Variants in AHRR observed in about 807,000 individuals in gnomAD.
The protein encoded by AHRR is ahR repressor.
A neutral mutation model predicts 44.0 loss-of-function variants in AHRR; 28 were observed. That is an observed-to-expected ratio of 0.64 (90% CI 0.47 to 0.87). AHRR has a LOEUF of 0.87. Among genes scored for constraint, AHRR ranks in the 40% least tolerant of loss-of-function variants. The probability of loss-of-function intolerance (pLI) is 0.00; values close to 1 mark genes in which losing one functional copy is unlikely to be tolerated. For synonymous variants in AHRR, 434 were observed against 407.0 expected (o/e 1.07, Z -0.80); for missense variants, 990 against 953.9 (o/e 1.04, Z -0.50).
chr5:434,781 G>T lies in AHRR; in HGVS notation c.2041G>T (p.Ala681Ser). The T allele has an allele frequency of 1.3e-6, 2 of 1,557,448 alleles. No individual in the cohort carries two copies. The highest frequency in any genetic ancestry group is 1.2e-5 in the South Asian group (1 of 84,584). Residue 681 changes from alanine to serine, a missense_variant, in exon 11 of 11, where the codon GCC becomes TCC. Ala to Ser is a moderately conservative substitution (Grantham distance 99). Transcript: ENST00000684583. The stretch of plus-strand genomic sequence containing the variant: ...GGTGCCCGGGATGTTGCCCAAAAGT[G>T]CCTTGGCCACGCTGGTCCCGCCCCA... ...GMVPGMLPKS[A>S]LATLVPPQAS... is the part of the protein sequence containing the mutation.
At position 405,897 on chromosome 5, in the gene AHRR, T is replaced by G. The variant is rs1735235149; in HGVS notation, c.352-7447T>G. ...GGTCTGAGGCTGCGTCCTTCTGGTG[T>G]GGCTTTCCTCCTGAATTAGGCGTGG... On this transcript the variant is annotated intron_variant, in intron 4 of 10. Coordinates refer to ENST00000684583, the MANE Select transcript of AHRR (RefSeq NM_001377236.1). This position sits in a 1 kb window ranked among gnomAD's most constrained non-coding sequence, Gnocchi z 4.5. Among the ~76,000 whole-genome samples, 1 of 152,232 alleles carries G rather than the reference T, an allele frequency of 6.6e-6. No homozygotes were observed. Among genetic ancestry groups the G allele is most frequent in the South Asian group, 2.1e-4 (1 of 4,832 alleles).
At chr5:322,931 A>AT (rs1442376716) in intron 1 of AHRR, among the ~76,000 whole-genome samples, 22 of 152,274 alleles carry the variant, frequency 1.4e-4, no homozygotes, top group African/African-American at 5.1e-4. Context: ...AAATGAACAG[A>AT]CACGAGTTTT....
intron 5 of AHRR, among the ~76,000 whole-genome samples, chr5:416,510 G>A (rs1239736411): frequency 6.6e-6 from 1 of 152,214 alleles, no homozygotes; most frequent in African/African-American, 2.4e-5. Flanking sequence ...TGTGGTTGGG[G>A]CACTGTCATC....
intron 4 of AHRR, among the ~76,000 whole-genome samples, chr5:385,823 C>T (rs533269180): frequency 2.0e-5 from 3 of 152,208 alleles, no homozygotes; most frequent in African/African-American, 7.2e-5. Context: ...TTTTTCTTCC[C>T]CTCCATTTCA....
chr5:397,694 A>ATCCACGTAGCCCCTGACCG (rs1734797064), intron 4 of AHRR, among the ~76,000 whole-genome samples: 1 of 107,880 alleles, frequency 9.3e-6, no homozygotes, highest in African/African-American at 3.5e-5. Context: ...GCCCCTGACC[A>ATCCACGTAGCCCCTGACCG]TCCACGTAGC....
chr5:419,001 T>A lies in AHRR; in HGVS notation c.442-3728T>A, dbSNP rs1323743983. 6.6e-6 allele frequency: 1 copy of A among 152,284 alleles called. No individual in the cohort carries two copies. Among genetic ancestry groups the A allele is most frequent in the East Asian group, 1.9e-4 (1 of 5,176 alleles). The allele number at this position is 152,284 out of a possible 1,614,324, so 9.4% of individuals were successfully genotyped here. On this transcript the variant is annotated intron_variant, in intron 5 of 10. Transcript: ENST00000684583. The surrounding 1 kb of genome is among the most constrained non-coding windows in gnomAD (Gnocchi z 4.4). Reference sequence around the variant, plus strand: ...AGATGCGGGGAGTGAGGGCTCCAGGTGAAGCAGCAGCTGCTGGCCATGTGA... The same window carrying A: ...AGATGCGGGGAGTGAGGGCTCCAGGAGAAGCAGCAGCTGCTGGCCATGTGA...
At position 338,248 on chromosome 5, in the gene AHRR, C is replaced by T. The variant is rs767591536; in HGVS notation, c.-10-5645C>T. Among the ~76,000 whole-genome samples, 6 of 152,240 alleles carry T rather than the reference C, an allele frequency of 3.9e-5. No homozygotes were observed. The highest frequency in any genetic ancestry group is 4.1e-4 in the South Asian group (2 of 4,822). On this transcript the variant is annotated intron_variant, in intron 1 of 10. Transcript: ENST00000684583. The surrounding 1 kb of genome is among the most constrained non-coding windows in gnomAD (Gnocchi z 4.1). ...TTCACCCTCTAGTAGTCAGTTCTTGCGCTTTTTGTGCCATGTTGTAGACCC... is the reference window on the plus strand; with the variant it reads ...TTCACCCTCTAGTAGTCAGTTCTTGTGCTTTTTGTGCCATGTTGTAGACCC...
At position 355,623 on chromosome 5, in the gene AHRR, C is replaced by T. The variant is rs141471916; in HGVS notation, c.244+1712C>T. On this transcript the variant is annotated intron_variant, in intron 3 of 10. Transcript: ENST00000684583. ...GGGCTTGACGGCCTCAGAAAGTCTT[C>T]GATTCTGGTGTTTCCAGCAAGTTTG... Among the ~76,000 whole-genome samples, 818 of 152,306 alleles carry T rather than the reference C, an allele frequency of 5.4e-3. 19 individuals are homozygous for T. The highest frequency in any genetic ancestry group is 0.045 in the Admixed American group (691 of 15,314).
chr5:433,896 G>T lies in AHRR; in HGVS notation c.1156G>T (p.Gly386Ter). Residue 386 changes from glycine (G) to a stop codon, truncating the protein, a stop_gained, in exon 11 of 11, where the codon GGA becomes TGA. Transcript: ENST00000684583. LOFTEE classifies it low-confidence loss of function (END_TRUNC). ...GCACAGGATGCTGAGCAGGGCCTCT[G>T]GAGTGACAGGGCGGAGGGAGACTCC... ...EQHRMLSRAS[G>*]VTGRRETPGP... 6.6e-7 allele frequency: 1 copy of T among 1,520,078 alleles called. No homozygotes were observed. Among genetic ancestry groups the T allele is most frequent in the Non-Finnish European group, 8.8e-7 (1 of 1,136,078 alleles). 94.2% of individuals were successfully genotyped at this position (1,520,078 alleles called of 1,614,324 possible). A position where few individuals can be genotyped will look rare whatever the true frequency, so the allele number is the denominator to read the frequency against.
At chr5:372,766 C>T (rs1383776437) in intron 3 of AHRR, among the ~76,000 whole-genome samples, 1 of 152,214 alleles carries the variant, frequency 6.6e-6, no homozygotes, top group Non-Finnish European at 1.5e-5. Flanking sequence ...ATCACCCAGA[C>T]GCACAGCTGG....
At chr5:430,071 G>A (rs1054692646) in intron 8 of AHRR, among the ~76,000 whole-genome samples, 4 of 152,252 alleles carry the variant, frequency 2.6e-5, no homozygotes, top group Admixed American at 2.6e-4. Flanking sequence ...TCTGGGCGCT[G>A]CCTTTACTGC....
chr5:360,143 C>T (rs1248527238), intron 3 of AHRR, among the ~76,000 whole-genome samples: 1 of 152,018 alleles, frequency 6.6e-6, no homozygotes, highest in East Asian at 1.9e-4. Flanking sequence ...GGGGGGTGGC[C>T]TGAACTGATA....
chr5:394,955 C>A (rs1026714288), intron 4 of AHRR, among the ~76,000 whole-genome samples: 2 of 152,244 alleles, frequency 1.3e-5, no homozygotes, highest in African/African-American at 4.8e-5. Context: ...CAAGCTCTTG[C>A]GTCTCCGGAT....
At chr5:433,708 C>T (rs1360508375) in intron 10 of AHRR, 145 bp from the exon 11 acceptor site, 2 of 979,330 alleles carry the variant, frequency 2.0e-6, no homozygotes, top group Non-Finnish European at 2.7e-6. Context: ...GGTTAGAAGG[C>T]ACAGCGCAGT....
intron 8 of AHRR, among the ~76,000 whole-genome samples, chr5:428,816 A>G (rs779259108): frequency 6.6e-6 from 1 of 152,136 alleles, no homozygotes; most frequent in Non-Finnish European, 1.5e-5. Flanking sequence ...CAGGCATTAG[A>G]TTCTCATGAG....
chr5:338,623 C>T lies in AHRR; in HGVS notation c.-10-5270C>T, dbSNP rs1291705351. ...CTTGGAGGCCAAGGTGGGTGAATTG[C>T]TTGAACCCAGGAGTTCAAGGCCAGA... On this transcript the variant is annotated intron_variant, in intron 1 of 10. Transcript: ENST00000684583. The surrounding 1 kb of genome is among the most constrained non-coding windows in gnomAD (Gnocchi z 4.1). 2.6e-5 allele frequency among the ~76,000 whole-genome samples: 4 copies of T among 152,180 alleles called. No individual in the cohort carries two copies. Among genetic ancestry groups the T allele is most frequent in the South Asian group, 4.1e-4 (2 of 4,824 alleles).
At chr5:359,510 G>A (rs1023245715) in intron 3 of AHRR, among the ~76,000 whole-genome samples, 1 of 152,110 alleles carries the variant, frequency 6.6e-6, no homozygotes, top group Non-Finnish European at 1.5e-5. Flanking sequence ...GCTGTGTAGA[G>A]AAGTGTGGAG....
Position 434,132 on chromosome 5 carries a change from C to T in AHRR, c.1392C>T (p.Thr464=), listed in dbSNP as rs1189581078. 6.2e-7 allele frequency: 1 copy of T among 1,612,024 alleles called. No homozygotes were observed. Among genetic ancestry groups the T allele is most frequent in the African/African-American group, 1.3e-5 (1 of 74,888 alleles). Residue 464 remains threonine, a synonymous_variant, in exon 11 of 11, where the codon ACC becomes ACT. Transcript: ENST00000684583. ...SPSPSAYSSR[T]SRPMRDVGED... is the part of the protein sequence containing the mutation. ...CCCCCAGTGCCTACTCCAGCCGGACCAGCAGACCCATGCGGGATGTCGGTG... is the reference window on the plus strand; with the variant it reads ...CCCCCAGTGCCTACTCCAGCCGGACTAGCAGACCCATGCGGGATGTCGGTG...
At chr5:336,792 CT>C (rs1445094483) in intron 1 of AHRR, among the ~76,000 whole-genome samples, 3 of 152,156 alleles carry the variant, frequency 2.0e-5, no homozygotes, top group Admixed American at 2.0e-4. Flanking sequence ...ATATTTTTAG[CT>C]CTTACATTAA....
Sources: allele counts gnomAD v4.1 joint callset (sites outside exome capture counted in the v4.1 genomes callset), GRCh38; gene constraint gnomAD v4.1.1; non-coding constraint Gnocchi (gnomAD v3.1); transcripts MANE v1.5; gene names NCBI Gene and HGNC (gene_info 2026-07-23, HGNC 2026-07-21).